Variants in ZC3HAV1 observed in about 807,000 individuals in gnomAD.
The protein encoded by ZC3HAV1 is zinc finger CCCH-type containing, antiviral 1.
ZC3HAV1 carries 41 observed loss-of-function variants against 86.6 expected under a neutral mutation model. The observed-to-expected ratio is 0.47, with a 90% confidence interval of 0.37 to 0.61. The LOEUF is 0.61. ZC3HAV1 is among the 20% of genes least tolerant of loss of function. The pLI is 0.00. For synonymous variants in ZC3HAV1, 421 were observed against 432.1 expected (o/e 0.97, Z 0.32); for missense variants, 964 against 1,141.1 (o/e 0.84, Z 2.24).
chr7:139,093,742 T>G (rs1258154521), intron 1 of ZC3HAV1, among the ~76,000 whole-genome samples: 1 of 152,202 alleles, frequency 6.6e-6, no homozygotes, highest in Non-Finnish European at 1.5e-5. Context: ...TCAGCCCGCC[T>G]GCATCCAGGT....
chr7:139,052,355 C>T (rs1261822381), intron 12 of ZC3HAV1, among the ~76,000 whole-genome samples: 1 of 142,696 alleles, frequency 7.0e-6, no homozygotes, highest in African/African-American at 2.6e-5. Context: ...CCTGTAATCC[C>T]AGCACTTTGG....
chr7:139,071,596 T>C (rs1425997937), intron 7 of ZC3HAV1, among the ~76,000 whole-genome samples: 1 of 152,216 alleles, frequency 6.6e-6, no homozygotes, highest in East Asian at 1.9e-4. Flanking sequence ...TTATTTGACA[T>C]CATCCTTGGC....
intron 6 of ZC3HAV1, 31 bp from the exon 7 acceptor site, chr7:139,074,061 T>C (rs1427364720): frequency 3.1e-6 from 5 of 1,588,052 alleles, no homozygotes; most frequent in Non-Finnish European, 4.3e-6. Context: ...GTTAACATAA[T>C]GCTTCATTGA....
chr7:139,060,737 T>C, intron 9 of ZC3HAV1: 2 of 1,233,324 alleles, frequency 1.6e-6, no homozygotes, highest in Non-Finnish European at 2.1e-6. Context: ...GATTATTCCT[T>C]AGGTGTACTG....
At position 139,087,233 on chromosome 7, in the gene ZC3HAV1, C is replaced by T. The variant is rs775085422; in HGVS notation, c.444+2391G>A. ...ATATGTCTCTGATCATCAGCAGGAG[C>T]TTTAACGGGAATGATGTGTAAGGCA... On this transcript the variant is annotated intron_variant, in intron 2 of 12. Transcript: ENST00000242351. Among the ~76,000 whole-genome samples the T allele has an allele frequency of 5.9e-5, 9 of 152,286 alleles. 2 individuals carry two copies. Among genetic ancestry groups the T allele is most frequent in the Admixed American group, 5.9e-4 (9 of 15,298 alleles).
rs187021215 is a variant in ZC3HAV1, at chr7:139,076,785, G to A, written c.1574-376C>T. 4.6e-3 allele frequency among the ~76,000 whole-genome samples: 692 copies of A among 152,012 alleles called. 3 individuals carry two copies. Among genetic ancestry groups the A allele is most frequent in the Admixed American group, 9.3e-3 (142 of 15,274 alleles). On this transcript the variant is annotated intron_variant, in intron 5 of 12. Transcript: ENST00000242351. ...TGGGTGCCTGTAATCCCAGCTTCTCGGGAGACTGAGGCAGGAGAATCACTT... is the reference window on the plus strand; with the variant it reads ...TGGGTGCCTGTAATCCCAGCTTCTCAGGAGACTGAGGCAGGAGAATCACTT...
At chr7:139,053,816 G>A in intron 11 of ZC3HAV1, 149 bp downstream of exon 11, 2 of 910,682 alleles carry the variant, frequency 2.2e-6, no homozygotes, top group Non-Finnish European at 3.0e-6. Flanking sequence ...AGAAGCCAGA[G>A]TTGATAGAAT....
intron 12 of ZC3HAV1, 41 bp from the exon 13 acceptor site, chr7:139,047,894 A>C (rs201905677): frequency 1.3e-6 from 2 of 1,583,468 alleles, no homozygotes; most frequent in East Asian, 2.2e-5. Flanking sequence ...ATATTATAAA[A>C]GAAGGTATAC....
intron 12 of ZC3HAV1, among the ~76,000 whole-genome samples, chr7:139,052,465 C>T (rs1184318724): frequency 6.6e-6 from 1 of 150,724 alleles, no homozygotes; most frequent in East Asian, 2.0e-4. Context: ...ATTAGCTGGG[C>T]GTGGTGGCAC....
At chr7:139,063,502 G>A (rs1170074309) in intron 8 of ZC3HAV1, among the ~76,000 whole-genome samples, 1 of 151,840 alleles carries the variant, frequency 6.6e-6, no homozygotes, top group Admixed American at 6.6e-5. Flanking sequence ...TGGGAGGATC[G>A]CTTGAGCTCA....
At chr7:139,104,721 CAA>C (rs1157897700) in intron 1 of ZC3HAV1, among the ~76,000 whole-genome samples, 1,659 of 19,056 alleles carry the variant, frequency 0.087, 10 homozygotes, top group African/African-American at 0.21. Flanking sequence ...GACTCTGTCA[CAA>C]AAAAAAAAAA....
chr7:139,077,435 G>T (rs567087526), intron 5 of ZC3HAV1, among the ~76,000 whole-genome samples: 2 of 152,274 alleles, frequency 1.3e-5, no homozygotes, highest in South Asian at 4.1e-4. Context: ...GTAGAGATGG[G>T]TTGTCACCAT....
Position 139,045,899 on chromosome 7 carries a change from C to T in ZC3HAV1, c.*1695G>A, listed in dbSNP as rs1006102594. 1.9e-5 allele frequency: 2 copies of T among 103,674 alleles called. No homozygotes were observed. The highest frequency in any genetic ancestry group is 8.2e-5 in the African/African-American group (2 of 24,296). 6.4% of individuals were successfully genotyped at this position (103,674 alleles called of 1,614,324 possible). The stretch of plus-strand genomic sequence containing the variant: ...AGAAAATAACTCTACTCTAAAAAAA[C>T]TATTTTTTTTTTTTTTTTTTTTTTT... On this transcript the variant is annotated 3_prime_UTR_variant, in exon 13 of 13. Coordinates refer to ENST00000242351, the MANE Select transcript of ZC3HAV1 (RefSeq NM_020119.4).
chr7:139,081,948 T>C (rs1338590107), intron 3 of ZC3HAV1, among the ~76,000 whole-genome samples: 2 of 152,218 alleles, frequency 1.3e-5, no homozygotes, highest in Admixed American at 1.3e-4. Flanking sequence ...AATGCCATTA[T>C]ATAATATGAA....
chr7:139,095,577 G>C (rs1378290918), intron 1 of ZC3HAV1, among the ~76,000 whole-genome samples: 1 of 152,336 alleles, frequency 6.6e-6, no homozygotes, highest in South Asian at 2.1e-4. Context: ...GGAAAGCACC[G>C]AGGGCCTTGC....
chr7:139,059,530 T>A (rs188356404), intron 9 of ZC3HAV1, among the ~76,000 whole-genome samples: 57 of 151,280 alleles, frequency 3.8e-4, no homozygotes, highest in Non-Finnish European at 7.4e-4. Flanking sequence ...GGCAGGAGAA[T>A]CACTTCAACC....
intron 9 of ZC3HAV1, among the ~76,000 whole-genome samples, chr7:139,056,594 G>C (rs1816293796): frequency 6.6e-6 from 1 of 151,330 alleles, no homozygotes; most frequent in Non-Finnish European, 1.5e-5. Flanking sequence ...TAGAGATGGG[G>C]TCTCAACTCA....
chr7:139,079,271 G>C (rs1230745544), intron 4 of ZC3HAV1, 199 bp downstream of exon 4: 1 of 1,537,004 alleles, frequency 6.5e-7, no homozygotes, highest in Non-Finnish European at 8.7e-7. Context: ...GGATTCCCCA[G>C]GTGTGGTGGG....
chr7:139,071,219 C>A (rs1353706613), intron 7 of ZC3HAV1, among the ~76,000 whole-genome samples: 1 of 151,628 alleles, frequency 6.6e-6, no homozygotes, highest in Non-Finnish European at 1.5e-5. Context: ...GCCTCAGCCT[C>A]CCAAGTGGCT....
Sources: gnomAD v4.1 joint callset for allele counts (sites outside exome capture counted in the v4.1 genomes callset) on GRCh38, gnomAD v4.1.1 for gene constraint, MANE v1.5 for transcripts, NCBI Gene and HGNC (gene_info 2026-07-23, HGNC 2026-07-21) for gene names.